Variants in RALYL observed in about 807,000 individuals in gnomAD.
RALYL encodes RALY RNA binding protein like.
RALYL carries 29 observed loss-of-function variants against 35.1 expected under a neutral mutation model. The observed-to-expected ratio is 0.83, with a 90% confidence interval of 0.61 to 1.13. RALYL has a LOEUF of 1.13. Among genes scored for constraint, RALYL ranks in the 50% most tolerant of loss-of-function variants. The probability of loss-of-function intolerance (pLI) is 0.00; values close to 1 mark genes in which losing one functional copy is unlikely to be tolerated. For synonymous variants in RALYL, 120 were observed against 127.6 expected, an observed-to-expected ratio of 0.94 and a Z score of 0.40; for missense variants, 359 against 360.4, an observed-to-expected ratio of 1.00 and a Z score of 0.03.
intron 4 of RALYL, among the ~76,000 whole-genome samples, chr8:84,839,228 G>T (rs1288172898): frequency 2.0e-5 from 3 of 152,216 alleles, no homozygotes; most frequent in East Asian, 1.9e-4. Flanking sequence ...GTCAAAGAAA[G>T]GGGTGACAGA....
At chr8:84,375,680 T>C (rs890836267) in intron 1 of RALYL, among the ~76,000 whole-genome samples, 4 of 151,802 alleles carry the variant, frequency 2.6e-5, no homozygotes, top group African/African-American at 9.7e-5. Context: ...TTTCTAATGA[T>C]TTTGATTCCT....
intron 5 of RALYL, among the ~76,000 whole-genome samples, chr8:84,858,552 A>G (rs760971624): frequency 1.8e-4 from 28 of 152,250 alleles, no homozygotes; most frequent in Non-Finnish European, 4.0e-4. Flanking sequence ...CTGGAGATTT[A>G]GATTCCATTT....
intron 2 of RALYL, among the ~76,000 whole-genome samples, chr8:84,673,134 T>A (rs1833579844): frequency 6.6e-6 from 1 of 152,128 alleles, no homozygotes. Flanking sequence ...GATGTTAAGC[T>A]TTTTTTCATA....
At chr8:84,672,205 G>T (rs1833397513) in intron 2 of RALYL, among the ~76,000 whole-genome samples, 1 of 152,102 alleles carries the variant, frequency 6.6e-6, no homozygotes, top group Non-Finnish European at 1.5e-5. Flanking sequence ...AGCATAACAG[G>T]AGTCACTTTT....
intron 2 of RALYL, among the ~76,000 whole-genome samples, chr8:84,586,449 T>C (rs1272584879): frequency 6.6e-6 from 1 of 152,194 alleles, no homozygotes; most frequent in Non-Finnish European, 1.5e-5. Flanking sequence ...ACTCTGGCTG[T>C]TTACTAATGA....
chr8:84,207,862 T>C (rs1320966056), intron 1 of RALYL, among the ~76,000 whole-genome samples: 2 of 151,804 alleles, frequency 1.3e-5, no homozygotes, highest in Non-Finnish European at 2.9e-5. Flanking sequence ...TTGTACACTA[T>C]ACATGTATAC....
intron 1 of RALYL, among the ~76,000 whole-genome samples, chr8:84,457,333 C>A (rs2050248233): frequency 6.6e-6 from 1 of 151,924 alleles, no homozygotes; most frequent in African/African-American, 2.4e-5. Context: ...ATAGAGTTCA[C>A]TTTAAAATTT....
At chr8:84,894,208 T>C (rs1036243317) in intron 8 of RALYL, among the ~76,000 whole-genome samples, 1 of 152,210 alleles carries the variant, frequency 6.6e-6, no homozygotes, top group Non-Finnish European at 1.5e-5. Context: ...TTTGTTTCTT[T>C]CCTAATGAAG....
At chr8:84,216,393 G>GTT in intron 1 of RALYL, among the ~76,000 whole-genome samples, 1 of 139,876 alleles carries the variant, frequency 7.1e-6, no homozygotes, top group East Asian at 2.0e-4. Flanking sequence ...TAATAGGGAA[G>GTT]TTATAAGAGA....
chr8:84,268,158 G>C (rs1833671550), intron 1 of RALYL, among the ~76,000 whole-genome samples: 1 of 152,180 alleles, frequency 6.6e-6, no homozygotes, highest in Non-Finnish European at 1.5e-5. Context: ...ATGACATGAA[G>C]CTATCAGAAA....
intron 1 of RALYL, among the ~76,000 whole-genome samples, chr8:84,310,256 G>T (rs1586161695): frequency 6.6e-6 from 1 of 151,538 alleles, no homozygotes; most frequent in East Asian, 2.0e-4. Flanking sequence ...GTCCTGGCTG[G>T]TCTTGAACTC....
chr8:84,374,450 T>C lies in RALYL; in HGVS notation c.-23-154849T>C, dbSNP rs564390386. 2.0e-5 allele frequency among the ~76,000 whole-genome samples: 3 copies of C among 152,072 alleles called. No homozygotes were observed. In the South Asian group the frequency reaches 6.2e-4, roughly 32 times the overall value. ...ATGTTCATTGCAGCACTATTTACAA[T>C]AGCAAAGACATGGAATCAGCCTAAT... is the stretch of plus-strand genomic sequence containing the variant. On this transcript the variant is annotated intron_variant, in intron 1 of 8. Coordinates refer to ENST00000521268, the MANE Select transcript of RALYL (RefSeq NM_173848.7).
chr8:84,334,249 T>C (rs1031213317), intron 1 of RALYL, among the ~76,000 whole-genome samples: 4 of 152,144 alleles, frequency 2.6e-5, no homozygotes, highest in Non-Finnish European at 5.9e-5. Flanking sequence ...CCATATTCAG[T>C]ACTTTAAATC....
rs377737768 is a variant in RALYL at position 84,887,600 on chromosome 8, C to A, written c.686-4C>A. On this transcript the variant is annotated splice_polypyrimidine_tract_variant and splice_region_variant and intron_variant, in intron 7 of 8. Transcript: ENST00000521268. The stretch of plus-strand genomic sequence containing the variant: ...AGTAGTCATTTGCTTTCTCCCCCCC[C>A]CAGAAGCTCAGAAGAAGCAATTGGA... 242 of 1,602,886 alleles carry A rather than the reference C, an allele frequency of 1.5e-4. 1 individual carries two copies. In the South Asian group the frequency reaches 1.5e-3, roughly 10 times the overall value.
chr8:84,723,585 C>A (rs1203560448), intron 2 of RALYL, among the ~76,000 whole-genome samples: 1 of 151,818 alleles, frequency 6.6e-6, no homozygotes, highest in African/African-American at 2.4e-5. Flanking sequence ...GTTCTATTGC[C>A]CACCAGAAAT....
intron 2 of RALYL, among the ~76,000 whole-genome samples, chr8:84,622,791 A>G (rs889843544): frequency 3.9e-5 from 6 of 152,214 alleles, no homozygotes; most frequent in Non-Finnish European, 8.8e-5. Flanking sequence ...GGAAACAACA[A>G]TACTGTTTAA....
chr8:84,496,124 T>C (rs2055986389), intron 1 of RALYL, among the ~76,000 whole-genome samples: 2 of 152,152 alleles, frequency 1.3e-5, no homozygotes, highest in Non-Finnish European at 2.9e-5. Context: ...CATGGTATCC[T>C]AGAGGTTTTT....
intron 2 of RALYL, among the ~76,000 whole-genome samples, chr8:84,599,408 A>T (rs551996390): frequency 1.8e-4 from 28 of 152,186 alleles, no homozygotes; most frequent in South Asian, 4.1e-4. Flanking sequence ...ATGCAATAAA[A>T]TAAAAATTCA....
At chr8:84,743,752 C>T (rs1314738204) in intron 2 of RALYL, among the ~76,000 whole-genome samples, 1 of 152,044 alleles carries the variant, frequency 6.6e-6, no homozygotes, top group Non-Finnish European at 1.5e-5. Flanking sequence ...AAATATTATG[C>T]AGCCTTAAAA....
Sources: gnomAD v4.1 joint callset for allele counts (sites outside exome capture counted in the v4.1 genomes callset) on GRCh38, gnomAD v4.1.1 for gene constraint, MANE v1.5 for transcripts, NCBI Gene and HGNC (gene_info 2026-07-23, HGNC 2026-07-21) for gene names.